LSP1: variants seen among roughly 807,000 people sequenced by gnomAD.
LSP1 encodes lymphocyte-specific protein 1.
Under a neutral mutation model 49.3 loss-of-function variants are expected in LSP1, and 32 were observed. The ratio of observed to expected loss-of-function variants is 0.65; its 90% CI spans 0.49 to 0.87. The LOEUF (loss-of-function observed/expected upper bound fraction) is 0.87, where lower values mean the gene tolerates loss of function less well. Ranked by LOEUF, LSP1 falls within the 40% of genes least tolerant of loss-of-function variation. LSP1 has a pLI of 0.00. For synonymous variants in LSP1, 179 were observed against 178.8 expected (o/e 1.00, Z -0.01); for missense variants, 428 against 442.6 (o/e 0.97, Z 0.30).
chr11:1,854,195 C>G (rs577315086), intron 1 of LSP1, among the ~76,000 whole-genome samples: 1 of 152,182 alleles, frequency 6.6e-6, no homozygotes, highest in South Asian at 2.1e-4. Flanking sequence ...AGGAGCAGGT[C>G]AGCGGGGGCT....
chr11:1,853,228 G>T, intron 1 of LSP1, 31 bp downstream of exon 1: 3 of 1,600,276 alleles, frequency 1.9e-6, no homozygotes, highest in Non-Finnish European at 2.6e-6. Context: ...CCGGCGCCCT[G>T]TGCCGTGTCC....
rs1313911503 is a variant in LSP1 at position 1,881,439 on chromosome 11, C to G, written c.199C>G (p.Leu67Val). 1.9e-6 allele frequency: 3 copies of G among 1,571,490 alleles called. No homozygotes were observed. The highest frequency in any genetic ancestry group is 1.2e-5 in the South Asian group (1 of 85,572). Reference sequence around the variant, plus strand: ...CCCCCCTGCTACCCTCAGCCTCAGCCTGAAGCCCTCGGAGGCCCCTGAACT... The same window carrying G: ...CCCCCCTGCTACCCTCAGCCTCAGCGTGAAGCCCTCGGAGGCCCCTGAACT... ...ERPKQEMLLS[L>V]KPSEAPELDE... Residue 67 changes from leucine (L) to valine (V), a missense_variant, in exon 3 of 11, where the codon CTG (leucine) becomes GTG (valine). Coordinates refer to ENST00000311604, the MANE Select transcript of LSP1 (RefSeq NM_002339.3).
intron 1 of LSP1, chr11:1,869,730 G>A (rs749785929): frequency 2.1e-6 from 1 of 470,652 alleles, no homozygotes; most frequent in Non-Finnish European, 4.4e-6. Context: ...GTGAGGCCAG[G>A]CGAGGGCTGG....
intron 1 of LSP1, among the ~76,000 whole-genome samples, chr11:1,857,479 G>A (rs991867230): frequency 2.0e-4 from 31 of 152,210 alleles, no homozygotes; most frequent in African/African-American, 7.5e-4. Flanking sequence ...CAGTGGAAAG[G>A]GCCCAGTGGT....
At chr11:1,876,210 C>G (rs1806911) in intron 1 of LSP1, among the ~76,000 whole-genome samples, 13,853 of 152,266 alleles carry the variant, frequency 0.091, 826 homozygotes, top group African/African-American at 0.18. Flanking sequence ...GCACCTTTTC[C>G]CGGCACACGG....
chr11:1,884,210 T>G lies in LSP1; in HGVS notation c.592-70T>G. On this transcript the variant is annotated intron_variant, in intron 5 of 10. Transcript: ENST00000311604. The surrounding 1 kb of genome is among the most constrained non-coding windows in gnomAD (Gnocchi z 4.1). ...TTGGGGGTTGGATTAGTGGTTGGAG[T>G]AGCTGGGGAGATGGAGGGTGGGCTT... 1 of 1,569,348 alleles carries G rather than the reference T, an allele frequency of 6.4e-7. No homozygotes were observed. Among genetic ancestry groups the G allele is most frequent in the Admixed American group, 1.7e-5 (1 of 59,916 alleles).
At chr11:1,865,086 G>A in intron 1 of LSP1, 1 of 484,434 alleles carries the variant, frequency 2.1e-6, no homozygotes, top group Non-Finnish European at 2.7e-6. Context: ...CAGGGGGGCA[G>A]GGGTGCGGGA....
intron 1 of LSP1, chr11:1,865,301 G>T: frequency 1.1e-6 from 1 of 937,162 alleles, no homozygotes; most frequent in African/African-American, 1.8e-5. Flanking sequence ...GGAGGGCAGG[G>T]CAGGGTGCCC....
intron 2 of LSP1, 174 bp from the exon 3 acceptor site, chr11:1,881,258 C>T: frequency 1.6e-6 from 1 of 606,356 alleles, no homozygotes; most frequent in East Asian, 3.2e-5. Flanking sequence ...GGAGGCATAG[C>T]CCTGCCCTCA....
chr11:1,890,516 G>C (rs1256964609), intron 10 of LSP1: 2 of 716,448 alleles, frequency 2.8e-6, no homozygotes, highest in Admixed American at 4.0e-5. Flanking sequence ...GGGGCGGTGG[G>C]GGTCCAGGGG....
chr11:1,869,144 G>C, intron 1 of LSP1: 3 of 430,266 alleles, frequency 7.0e-6, no homozygotes, highest in Non-Finnish European at 9.5e-6. Context: ...CAGGCTCCAA[G>C]TGGGCTGAGA....
In LSP1 at chr11:1,883,945, A is replaced by C. The variant is rs150432651; in HGVS notation, c.512A>C (p.Gln171Pro). ...EEEQEEHQKC[Q>P]QPRTPSPLVL... Reference sequence around the variant, plus strand: ...TTTTTTTTCTAGCACCAGAAATGTCAGCAGCCCAGGACACCCAGCCCCTTG... The same window carrying C: ...TTTTTTTTCTAGCACCAGAAATGTCCGCAGCCCAGGACACCCAGCCCCTTG... The change falls in exon 5 of 11, where the codon CAG (glutamine) becomes CCG (proline). Residue 171 changes from glutamine to proline, a missense_variant. Transcript: ENST00000311604. 3.7e-6 allele frequency: 6 copies of C among 1,607,254 alleles called. No individual in the cohort carries two copies. Among genetic ancestry groups the C allele is most frequent in the Non-Finnish European group, 5.1e-6 (6 of 1,178,042 alleles).
At chr11:1,872,114 G>A (rs1424180462) in intron 1 of LSP1, among the ~76,000 whole-genome samples, 5 of 145,230 alleles carry the variant, frequency 3.4e-5, no homozygotes, top group Non-Finnish European at 7.5e-5. Context: ...TTTTGGGAGG[G>A]GGTGTGTGTG....
At chr11:1,885,585 C>A (rs11041665) in intron 7 of LSP1, among the ~76,000 whole-genome samples, 37,967 of 151,836 alleles carry the variant, frequency 0.25, 5,314 homozygotes, top group South Asian at 0.37. Flanking sequence ...CCAATCAATG[C>A]CTCTGCTTCC....
intron 1 of LSP1, among the ~76,000 whole-genome samples, chr11:1,874,854 C>T (rs1409502499): frequency 1.3e-5 from 2 of 152,188 alleles, no homozygotes; most frequent in Non-Finnish European, 2.9e-5. Context: ...AGGAGAGGCC[C>T]GGCAGGGCCC....
intron 10 of LSP1, chr11:1,889,063 A>G: frequency 1.7e-6 from 1 of 576,334 alleles, no homozygotes; most frequent in Non-Finnish European, 3.1e-6. Context: ...TTCATGCAGC[A>G]ACTATGGGCC....
intron 1 of LSP1, among the ~76,000 whole-genome samples, chr11:1,855,842 C>A (rs1416486112): frequency 6.6e-6 from 1 of 152,186 alleles, no homozygotes; most frequent in Admixed American, 6.5e-5. Context: ...CTCTATAGCC[C>A]CCAAGAGCAA....
chr11:1,859,964 G>T lies in LSP1; in HGVS notation c.53+6767G>T, dbSNP rs151018924. Among the ~76,000 whole-genome samples the T allele has an allele frequency of 1.2e-4, 18 of 152,270 alleles. No homozygotes were observed. The East Asian group carries it at 3.1e-3, about 26-fold the overall frequency. On this transcript the variant is annotated intron_variant, in intron 1 of 10. Coordinates refer to ENST00000311604, the MANE Select transcript of LSP1 (RefSeq NM_002339.3). ...CAGTGCTCAAAGCACCTTTCACTGG[G>T]ATGCTGCTCTGTGAACATACATTCG... is the stretch of plus-strand genomic sequence containing the variant.
chr11:1,854,484 G>T (rs1847439221), intron 1 of LSP1, among the ~76,000 whole-genome samples: 1 of 152,314 alleles, frequency 6.6e-6, no homozygotes, highest in African/African-American at 2.4e-5. Context: ...GTCCTTGGTG[G>T]CCGTCACATT....
Sources: gnomAD v4.1 joint callset for allele counts (sites outside exome capture counted in the v4.1 genomes callset) on GRCh38, gnomAD v4.1.1 for gene constraint, Gnocchi (gnomAD v3.1) non-coding constraint, MANE v1.5 for transcripts, NCBI Gene and HGNC (gene_info 2026-07-23, HGNC 2026-07-21) for gene names.